LRRC4C: variants seen among roughly 807,000 people sequenced by gnomAD.
LRRC4C encodes the protein leucine rich repeat containing 4C, also known as leucine-rich repeat-containing protein 4C.
A neutral mutation model predicts 33.6 loss-of-function variants in LRRC4C; 5 were observed. That is an observed-to-expected ratio of 0.15 (90% CI 0.08 to 0.31). The LOEUF (loss-of-function observed/expected upper bound fraction) is 0.31, where lower values mean the gene tolerates loss of function less well. Among genes scored for constraint, LRRC4C ranks in the 10% least tolerant of loss-of-function variants. The probability of loss-of-function intolerance (pLI) is 1.00; values close to 1 mark genes in which losing one functional copy is unlikely to be tolerated. For synonymous variants in LRRC4C, 329 were observed against 302.0 expected, an observed-to-expected ratio of 1.09 and a Z score of -0.93; for missense variants, 560 against 796.7, an observed-to-expected ratio of 0.70 and a Z score of 3.58.
At chr11:40,506,381 T>C (rs1178661680) in intron 3 of LRRC4C, among the ~76,000 whole-genome samples, 1 of 152,210 alleles carries the variant, frequency 6.6e-6, no homozygotes, top group Non-Finnish European at 1.5e-5. Flanking sequence ...GAATGAAAAC[T>C]TGTCATTTTA....
intron 4 of LRRC4C, among the ~76,000 whole-genome samples, chr11:40,259,272 T>A (rs1265582093): frequency 3.3e-5 from 5 of 152,020 alleles, no homozygotes; most frequent in African/African-American, 1.2e-4. Flanking sequence ...GTTTTTTTCT[T>A]GTAAATTTGT....
At chr11:41,315,961 C>T (rs1437757737) in intron 1 of LRRC4C, among the ~76,000 whole-genome samples, 1 of 152,044 alleles carries the variant, frequency 6.6e-6, no homozygotes, top group African/African-American at 2.4e-5. Context: ...CGTTAATTTG[C>T]TGAATGCCTA....
At chr11:41,143,533 G>A (rs543287718) in intron 1 of LRRC4C, among the ~76,000 whole-genome samples, 2 of 152,144 alleles carry the variant, frequency 1.3e-5, no homozygotes, top group African/African-American at 4.8e-5. Context: ...CTGCAGTGAC[G>A]TTCTTGGTCC....
intron 3 of LRRC4C, among the ~76,000 whole-genome samples, chr11:40,600,794 A>G (rs1471550682): frequency 6.6e-6 from 1 of 152,234 alleles, no homozygotes; most frequent in Non-Finnish European, 1.5e-5. Flanking sequence ...ATAAGAAACC[A>G]TCTCTTGGTA....
chr11:40,150,828 T>C (rs1288130670), intron 5 of LRRC4C, among the ~76,000 whole-genome samples: 1 of 152,150 alleles, frequency 6.6e-6, no homozygotes, highest in Non-Finnish European at 1.5e-5. Context: ...AGAGAGATGG[T>C]TTGATCTTTG....
At chr11:40,878,103 C>A (rs113117889) in intron 2 of LRRC4C, among the ~76,000 whole-genome samples, 1 of 152,066 alleles carries the variant, frequency 6.6e-6, no homozygotes, top group Admixed American at 6.6e-5. Flanking sequence ...CAAACTGTGA[C>A]TGAGATAAGT....
chr11:40,391,188 G>A (rs1292992327), intron 3 of LRRC4C, among the ~76,000 whole-genome samples: 2 of 152,086 alleles, frequency 1.3e-5, no homozygotes, highest in African/African-American at 2.4e-5. Context: ...TTGTTCCTTA[G>A]TGACAAGGAT....
chr11:40,387,689 C>T (rs1949164599), intron 3 of LRRC4C, among the ~76,000 whole-genome samples: 1 of 152,122 alleles, frequency 6.6e-6, no homozygotes, highest in Non-Finnish European at 1.5e-5. Context: ...AGAGACAGTG[C>T]ACATGTCAGA....
At chr11:40,386,917 C>A (rs1949133569) in intron 3 of LRRC4C, among the ~76,000 whole-genome samples, 1 of 152,116 alleles carries the variant, frequency 6.6e-6, no homozygotes, top group Non-Finnish European at 1.5e-5. Context: ...AGTTCTATTG[C>A]AATCAATTGA....
intron 2 of LRRC4C, among the ~76,000 whole-genome samples, chr11:40,919,337 C>T (rs1957083533): frequency 1.3e-5 from 2 of 152,128 alleles, no homozygotes. Flanking sequence ...TTAAGCCTCA[C>T]TTTCTTCCTT....
intron 1 of LRRC4C, among the ~76,000 whole-genome samples, chr11:41,127,739 A>T (rs201575476): frequency 6.6e-6 from 1 of 151,980 alleles, no homozygotes; most frequent in East Asian, 1.9e-4. Context: ...TCTATTCAAC[A>T]AAACATTGCT....
chr11:40,297,346 G>C (rs1944562912), intron 4 of LRRC4C, among the ~76,000 whole-genome samples: 1 of 152,058 alleles, frequency 6.6e-6, no homozygotes, highest in Non-Finnish European at 1.5e-5. Context: ...ATCGTATCAA[G>C]CTTGCCTGTA....
At chr11:41,268,879 A>C (rs1263185343) in intron 1 of LRRC4C, among the ~76,000 whole-genome samples, 1 of 151,878 alleles carries the variant, frequency 6.6e-6, no homozygotes, top group East Asian at 1.9e-4. Context: ...GAAAAAAAAA[A>C]CACAGAAAAA....
intron 3 of LRRC4C, among the ~76,000 whole-genome samples, chr11:40,427,356 A>T (rs1385391407): frequency 6.6e-6 from 1 of 151,918 alleles, no homozygotes; most frequent in East Asian, 1.9e-4. Flanking sequence ...ATACAAAAAA[A>T]TTTAGCCAGG....
intron 6 of LRRC4C, among the ~76,000 whole-genome samples, chr11:40,132,814 C>T (rs915730030): frequency 7.9e-5 from 12 of 151,988 alleles, no homozygotes; most frequent in Non-Finnish European, 1.5e-4. Flanking sequence ...TATGTTTTAG[C>T]TTCTCGGGAT....
chr11:40,992,024 G>A lies in LRRC4C; in HGVS notation c.-495-58301C>T, dbSNP rs142292148. On this transcript the variant is annotated intron_variant, in intron 1 of 6. Transcript: ENST00000528697. ...AAAGATATGAAAATCTCATTGGTAT[G>A]TTTTCATATTTCACATTGAAATTAA... 7.2e-3 allele frequency among the ~76,000 whole-genome samples: 1,097 copies of A among 152,224 alleles called. 16 individuals are homozygous for A. The highest frequency in any genetic ancestry group is 0.025 in the African/African-American group (1,055 of 41,542).
intron 5 of LRRC4C, among the ~76,000 whole-genome samples, chr11:40,176,635 G>C (rs953670867): frequency 2.0e-5 from 3 of 150,690 alleles, no homozygotes; most frequent in African/African-American, 7.3e-5. Flanking sequence ...TGAAGTCCTT[G>C]CCTCAAGCAA....
chr11:40,274,068 T>C (rs549746218), intron 4 of LRRC4C, among the ~76,000 whole-genome samples: 1 of 152,186 alleles, frequency 6.6e-6, no homozygotes, highest in Non-Finnish European at 1.5e-5. Flanking sequence ...AAAGTAGAAC[T>C]GGAGCTGTGG....
chr11:41,268,968 C>T (rs1042380115), intron 1 of LRRC4C, among the ~76,000 whole-genome samples: 4 of 152,038 alleles, frequency 2.6e-5, no homozygotes, highest in East Asian at 1.9e-4. Flanking sequence ...GTGCTCTGGG[C>T]ACAGTTAATC....
Sources: allele counts gnomAD v4.1 joint callset (sites outside exome capture counted in the v4.1 genomes callset), GRCh38; gene constraint gnomAD v4.1.1; transcripts MANE v1.5; gene names NCBI Gene and HGNC (gene_info 2026-07-23, HGNC 2026-07-21).